The following CDH13 variants were observed in gnomAD, a reference collection of about 807,000 sequenced individuals.
CDH13 encodes the protein cadherin 13.
In CDH13, 24 loss-of-function variants were observed where a neutral mutation model predicts 63.8. That is an observed-to-expected ratio of 0.38 (90% CI 0.27 to 0.53). The LOEUF (loss-of-function observed/expected upper bound fraction) is 0.53. CDH13 is among the 20% of genes least tolerant of loss of function. The probability of loss-of-function intolerance (pLI) is 0.85; values close to 1 mark genes in which losing one functional copy is unlikely to be tolerated. For missense variants in CDH13, 1,049 were observed against 903.1 expected, an observed-to-expected ratio of 1.16 and a Z score of -2.07; for synonymous variants, 503 against 355.3, an observed-to-expected ratio of 1.42 and a Z score of -4.67.
At chr16:82,654,812 G>C (rs570800596) in intron 1 of CDH13, among the ~76,000 whole-genome samples, 1 of 151,934 alleles carries the variant, frequency 6.6e-6, no homozygotes, top group Non-Finnish European at 1.5e-5. Context: ...TATTAACCAC[G>C]TGAAGCAGCT....
chr16:82,996,690 T>G (rs1912238497), intron 2 of CDH13, among the ~76,000 whole-genome samples: 1 of 152,156 alleles, frequency 6.6e-6, no homozygotes, highest in Admixed American at 6.5e-5. Context: ...ATTTAGGATA[T>G]CTTAGAAAAT....
chr16:83,267,149 C>T (rs1322418678), intron 5 of CDH13, among the ~76,000 whole-genome samples: 1 of 152,138 alleles, frequency 6.6e-6, no homozygotes, highest in Admixed American at 6.5e-5. Context: ...AAACAGAATG[C>T]CTTCAGAAGC....
chr16:82,901,323 C>CGTGTGTGT (rs1567644849), intron 2 of CDH13, among the ~76,000 whole-genome samples: 5 of 102,062 alleles, frequency 4.9e-5, no homozygotes, highest in East Asian at 5.0e-4. Context: ...ATAGTATTCT[C>CGTGTGTGT]CTGTGTGTGT....
intron 2 of CDH13, among the ~76,000 whole-genome samples, chr16:82,988,636 C>T (rs1911259110): frequency 6.6e-6 from 1 of 151,908 alleles, no homozygotes; most frequent in Non-Finnish European, 1.5e-5. Context: ...TGGTGGGTGC[C>T]TGTAATCCCA....
intron 3 of CDH13, among the ~76,000 whole-genome samples, chr16:83,104,695 G>T (rs2151609044): frequency 6.6e-6 from 1 of 152,260 alleles, no homozygotes; most frequent in African/African-American, 2.4e-5. Context: ...GAATAATGTT[G>T]AATTTCAGTC....
chr16:83,072,465 A>G (rs555219590), intron 3 of CDH13, among the ~76,000 whole-genome samples: 20 of 152,310 alleles, frequency 1.3e-4, no homozygotes, highest in African/African-American at 4.6e-4. Context: ...GGTACCTCTT[A>G]TATGGAAAAT....
intron 5 of CDH13, among the ~76,000 whole-genome samples, chr16:83,268,670 G>C (rs2088699629): frequency 6.6e-6 from 1 of 152,196 alleles, no homozygotes; most frequent in African/African-American, 2.4e-5. Flanking sequence ...AATAGTTTTA[G>C]TGCAGACATT....
chr16:82,830,119 T>C (rs543195205), intron 1 of CDH13, among the ~76,000 whole-genome samples: 5 of 152,238 alleles, frequency 3.3e-5, no homozygotes, highest in African/African-American at 9.6e-5. Context: ...GGGAGCAAAG[T>C]TTTTGAAAGC....
At chr16:82,841,457 G>A (rs2549141) in intron 1 of CDH13, among the ~76,000 whole-genome samples, 37,317 of 152,104 alleles carry the variant, frequency 0.25, 4,862 homozygotes, top group Middle Eastern at 0.33. Flanking sequence ...TAGCAAAGCA[G>A]CAGCTCCCTA....
intron 1 of CDH13, among the ~76,000 whole-genome samples, chr16:82,820,667 G>T (rs1373190664): frequency 6.6e-6 from 1 of 152,170 alleles, no homozygotes; most frequent in East Asian, 1.9e-4. Flanking sequence ...AGAAATGAAA[G>T]ACATAGACAG....
At chr16:83,558,958 C>A (rs1304232388) in intron 7 of CDH13, among the ~76,000 whole-genome samples, 2 of 61,754 alleles carry the variant, frequency 3.2e-5, no homozygotes, top group Non-Finnish European at 7.5e-5. Context: ...GTGTCCAACA[C>A]CATGGAGGAC....
chr16:82,802,175 G>A (rs781508982), intron 1 of CDH13, among the ~76,000 whole-genome samples: 4 of 152,176 alleles, frequency 2.6e-5, no homozygotes, highest in Non-Finnish European at 4.4e-5. Flanking sequence ...CACCTGCCAA[G>A]AGAGGAGGCC....
At chr16:83,176,013 GTTTTTGTTTTT>G (rs1358104744) in intron 4 of CDH13, among the ~76,000 whole-genome samples, 2 of 148,560 alleles carry the variant, frequency 1.3e-5, no homozygotes, top group Non-Finnish European at 3.0e-5. Context: ...TTTTGTTTTT[GTTTTTGTTTTT>G]TTTTCAGTAG....
intron 10 of CDH13, among the ~76,000 whole-genome samples, chr16:83,692,728 C>G (rs1175837063): frequency 6.6e-6 from 1 of 152,190 alleles, no homozygotes; most frequent in Non-Finnish European, 1.5e-5. Context: ...TCTCTAGAAA[C>G]TACCCCAGAG....
intron 6 of CDH13, among the ~76,000 whole-genome samples, chr16:83,361,918 TG>T (rs1222031202): frequency 2.0e-5 from 3 of 152,310 alleles, no homozygotes; most frequent in African/African-American, 7.2e-5. Context: ...GGGTATTTTT[TG>T]GTTGTATATG....
chr16:82,633,372 A>C (rs1324369826), intron 1 of CDH13, among the ~76,000 whole-genome samples: 3 of 152,198 alleles, frequency 2.0e-5, no homozygotes, highest in African/African-American at 7.2e-5. Context: ...CTGAATCTGC[A>C]GCTCTGTCAC....
chr16:82,757,460 TC>T (rs1446361567), intron 1 of CDH13, among the ~76,000 whole-genome samples: 2 of 97,298 alleles, frequency 2.1e-5, no homozygotes, highest in Non-Finnish European at 5.2e-5. Context: ...CAAAAACAAA[TC>T]GATGGCTCTG....
intron 6 of CDH13, among the ~76,000 whole-genome samples, chr16:83,457,949 A>C (rs2068552262): frequency 1.3e-5 from 2 of 152,210 alleles, no homozygotes; most frequent in African/African-American, 4.8e-5. Context: ...GGACATACGC[A>C]GTGATGCTGG....
intron 11 of CDH13, among the ~76,000 whole-genome samples, chr16:83,763,908 CCTAGTGCCAT>C (rs1914176449): frequency 6.6e-6 from 1 of 151,462 alleles, no homozygotes; most frequent in South Asian, 2.1e-4. Flanking sequence ...GATAATGGAG[CCTAGTGCCAT>C]CTACACCTCA....
Sources: allele counts gnomAD v4.1 joint callset (sites outside exome capture counted in the v4.1 genomes callset), GRCh38; gene constraint gnomAD v4.1.1; transcripts MANE v1.5; gene names NCBI Gene and HGNC (gene_info 2026-07-23, HGNC 2026-07-21).